The following HIVEP1 variants were observed in gnomAD, a reference collection of about 807,000 sequenced individuals.
HIVEP1 encodes HIVEP zinc finger 1.
In HIVEP1, 36 loss-of-function variants were observed where a neutral mutation model predicts 180.0. That is an observed-to-expected ratio of 0.20 (90% CI 0.15 to 0.26). The LOEUF (loss-of-function observed/expected upper bound fraction) is 0.26. Ranked by LOEUF, HIVEP1 falls within the 10% of genes least tolerant of loss-of-function variation. The probability of loss-of-function intolerance (pLI) is 1.00; values close to 1 mark genes in which losing one functional copy is unlikely to be tolerated. For missense variants in HIVEP1, 3,143 were observed against 3,268.7 expected (o/e 0.96, Z 0.94); for synonymous variants, 1,239 against 1,239.0 (o/e 1.00, Z 0.00).
intron 2 of HIVEP1, among the ~76,000 whole-genome samples, chr6:12,025,911 G>A (rs546467437): frequency 1.3e-5 from 2 of 152,248 alleles, no homozygotes; most frequent in South Asian, 4.1e-4. Context: ...TTGGTGGCAG[G>A]TCCCTCTAAT....
rs1771400145 is a variant in HIVEP1 at position 12,063,976 on chromosome 6, A to G, written c.41-25208A>G. ...TGAAGATTAGGTGTGATCTTGGAAA[A>G]TGAGAGACCTCAGATTTTGGCAAGG... On this transcript the variant is annotated intron_variant, in intron 2 of 8. Coordinates refer to ENST00000379388, the MANE Select transcript of HIVEP1 (RefSeq NM_002114.4). This position sits in a 1 kb window ranked among gnomAD's most constrained non-coding sequence, Gnocchi z 4.2. Among the ~76,000 whole-genome samples, 1 of 152,132 alleles carries G rather than the reference A, an allele frequency of 6.6e-6. No individual in the cohort carries two copies. Among genetic ancestry groups the G allele is most frequent in the African/African-American group, 2.4e-5 (1 of 41,418 alleles).
chr6:12,133,425 T>A (rs548066754), intron 6 of HIVEP1, among the ~76,000 whole-genome samples: 68 of 152,334 alleles, frequency 4.5e-4, no homozygotes, highest in Non-Finnish European at 7.4e-4. Context: ...AGAAAAATTA[T>A]TTATTAAATT....
At chr6:12,099,791 GCAGGATTTGTAAA>G (rs1774003254) in intron 3 of HIVEP1, among the ~76,000 whole-genome samples, 1 of 151,452 alleles carries the variant, frequency 6.6e-6, no homozygotes, top group African/African-American at 2.5e-5. Flanking sequence ...TACTTAACAG[GCAGGATTTGTAAA>G]CAGTGCGTTA....
chr6:12,091,720 CTTTAA>C (rs1773487066), intron 3 of HIVEP1, among the ~76,000 whole-genome samples: 2 of 152,048 alleles, frequency 1.3e-5, no homozygotes, highest in African/African-American at 2.4e-5. Flanking sequence ...AATCAGATGA[CTTTAA>C]TTTGATTTAT....
chr6:12,035,622 T>G (rs1769228912), intron 2 of HIVEP1, among the ~76,000 whole-genome samples: 1 of 152,230 alleles, frequency 6.6e-6, no homozygotes, highest in African/African-American at 2.4e-5. Flanking sequence ...GTTTTAGAAT[T>G]ATTTGTATAC....
At chr6:12,016,994 ACAGTTCCTGG>A (rs1463834001) in intron 2 of HIVEP1, among the ~76,000 whole-genome samples, 4 of 152,228 alleles carry the variant, frequency 2.6e-5, no homozygotes, top group Admixed American at 6.5e-5. Context: ...CTAGCCCAGC[ACAGTTCCTGG>A]CAGCTAATGG....
chr6:12,023,536 A>T (rs13199930), intron 2 of HIVEP1, among the ~76,000 whole-genome samples: 2,449 of 152,350 alleles, frequency 0.016, 26 homozygotes, highest in Non-Finnish European at 0.024. Context: ...GTAATAATTT[A>T]AAAAATAGTT....
At chr6:12,091,568 T>C (rs1161361388) in intron 3 of HIVEP1, among the ~76,000 whole-genome samples, 1 of 152,146 alleles carries the variant, frequency 6.6e-6, no homozygotes, top group Non-Finnish European at 1.5e-5. Flanking sequence ...TCTTGTATTT[T>C]AATAATTTAA....
At chr6:12,160,584 C>T (rs1760333281) in intron 7 of HIVEP1, among the ~76,000 whole-genome samples, 1 of 152,022 alleles carries the variant, frequency 6.6e-6, no homozygotes, top group Admixed American at 6.5e-5. Flanking sequence ...GCCTTTGTTA[C>T]AGGCAGATTT....
At position 12,123,755 on chromosome 6, in the gene HIVEP1, C is replaced by G; in HGVS notation, c.3960C>G (p.Ala1320=). 1 of 1,614,160 alleles carries G rather than the reference C, an allele frequency of 6.2e-7. No homozygotes were observed. Among genetic ancestry groups the G allele is most frequent in the Non-Finnish European group, 8.5e-7 (1 of 1,180,010 alleles). Residue 1320 remains alanine (A), a synonymous_variant, in exon 4 of 9, where the codon GCC becomes GCG. Transcript: ENST00000379388. ...TATCTCACACTTCAAGTTTCTCAGC[C>G]TCTTTAGACATAGAGGACGTTTCTA... ...SSLSHTSSFS[A]SLDIEDVSKT... is the part of the protein sequence containing the mutation.
Position 12,123,616 on chromosome 6 carries a change from C to G in HIVEP1, c.3821C>G (p.Thr1274Arg), listed in dbSNP as rs372007668. ...QRSETLSKLP[T>R]EKLPPKKKRL... The stretch of plus-strand genomic sequence containing the variant: ...AGTGAAACCTTGTCAAAATTGCCAA[C>G]AGAGAAACTGCCACCCAAAAAGAAA... Residue 1274 changes from threonine (T) to arginine (R), a missense_variant, in exon 4 of 9, where the codon ACA becomes AGA. Physicochemically the swap from Thr to Arg is moderately conservative, Grantham distance 71 (BLOSUM62 -1). Transcript: ENST00000379388. The G allele has an allele frequency of 1.7e-5, 27 of 1,614,000 alleles. No individual in the cohort carries two copies. In the African/African-American group the frequency reaches 2.9e-4, roughly 18 times the overall value.
chr6:12,043,355 ATTTTT>A (rs1304144063), intron 2 of HIVEP1, among the ~76,000 whole-genome samples: 1,457 of 109,900 alleles, frequency 0.013, 18 homozygotes, highest in African/African-American at 0.045. Flanking sequence ...CTAAGTGAAA[ATTTTT>A]TTTTTTTTTT....
At chr6:12,202,053 T>C in the HIVEP1 span, among the ~76,000 whole-genome samples, 1 of 152,202 alleles carries the variant, frequency 6.6e-6, no homozygotes, top group African/African-American at 2.4e-5. Flanking sequence ...TATTTTCTAG[T>C]TTCCTAAGAA....
intron 2 of HIVEP1, among the ~76,000 whole-genome samples, chr6:12,056,626 AT>A (rs1266312618): frequency 1.3e-5 from 2 of 152,126 alleles, no homozygotes; most frequent in African/African-American, 4.8e-5. Flanking sequence ...ATTTTTATGC[AT>A]CTTTTAAATT....
intron 2 of HIVEP1, among the ~76,000 whole-genome samples, chr6:12,088,065 G>A (rs1773219279): frequency 6.6e-6 from 1 of 152,142 alleles, no homozygotes; most frequent in African/African-American, 2.4e-5. Flanking sequence ...GTAAATAGAA[G>A]GTTCTCTGAA....
the HIVEP1 span, among the ~76,000 whole-genome samples, chr6:12,188,312 A>G: frequency 6.6e-6 from 1 of 152,224 alleles, no homozygotes; most frequent in South Asian, 2.1e-4. Context: ...CTTCATGGAA[A>G]CTATAGAGAT....
chr6:12,189,370 A>G, the HIVEP1 span, among the ~76,000 whole-genome samples: 1 of 152,148 alleles, frequency 6.6e-6, no homozygotes, highest in Non-Finnish European at 1.5e-5. Context: ...AATTGCATGG[A>G]TAAAAAATAC....
intron 3 of HIVEP1, among the ~76,000 whole-genome samples, chr6:12,114,578 A>G (rs1002439271): frequency 1.3e-5 from 2 of 152,106 alleles, no homozygotes; most frequent in Admixed American, 6.5e-5. Flanking sequence ...ATATTCCCAG[A>G]TCTGTGCCTC....
At chr6:12,175,353 A>T in the HIVEP1 span, among the ~76,000 whole-genome samples, 2 of 152,330 alleles carry the variant, frequency 1.3e-5, no homozygotes, top group African/African-American at 4.8e-5. Context: ...CTCATCTGTA[A>T]GTTAGGGCAA....
Sources: gnomAD v4.1 joint callset for allele counts (sites outside exome capture counted in the v4.1 genomes callset) on GRCh38, gnomAD v4.1.1 for gene constraint, Gnocchi (gnomAD v3.1) non-coding constraint, MANE v1.5 for transcripts, NCBI Gene and HGNC (gene_info 2026-07-23, HGNC 2026-07-21) for gene names.